PALM2AKAP2: variants seen among roughly 807,000 people sequenced by gnomAD.
PALM2AKAP2 encodes PALM2 and AKAP2 fusion.
In PALM2AKAP2, 37 loss-of-function variants were observed where a neutral mutation model predicts 71.5. The observed-to-expected ratio is 0.52, with a 90% CI of 0.40 to 0.68. PALM2AKAP2 has a LOEUF of 0.68. PALM2AKAP2 is among the 30% of genes least tolerant of loss of function. PALM2AKAP2 has a pLI of 0.00. For synonymous variants in PALM2AKAP2, 468 were observed against 478.8 expected, an observed-to-expected ratio of 0.98 and a Z score of 0.29; for missense variants, 1,224 against 1,191.8, an observed-to-expected ratio of 1.03 and a Z score of -0.40.
chr9:109,775,824 G>A (rs750155530), upstream of PALM2AKAP2, among the ~76,000 whole-genome samples: 10 of 152,192 alleles, frequency 6.6e-5, no homozygotes, highest in Non-Finnish European at 1.3e-4. Flanking sequence ...GATCGTTTGT[G>A]ATTCTCAAAG....
intron 1 of PALM2AKAP2, among the ~76,000 whole-genome samples, chr9:109,759,175 T>C (rs1183965908): frequency 6.6e-6 from 1 of 152,130 alleles, no homozygotes; most frequent in Non-Finnish European, 1.5e-5. Context: ...TTTTCCCTTC[T>C]CTTCTTTTGG....
At chr9:109,731,814 G>T (rs1050080925) in intron 1 of PALM2AKAP2, among the ~76,000 whole-genome samples, 4 of 152,204 alleles carry the variant, frequency 2.6e-5, no homozygotes, top group Admixed American at 6.5e-5. Flanking sequence ...CCATGGTGCA[G>T]GTTAATATTC....
At chr9:109,965,674 T>C (rs1018930770) in intron 6 of PALM2AKAP2, among the ~76,000 whole-genome samples, 1 of 152,088 alleles carries the variant, frequency 6.6e-6, no homozygotes, top group African/African-American at 2.4e-5. Flanking sequence ...TGCACAACAG[T>C]GTGAATGTAC....
rs556120383 is a variant in PALM2AKAP2 at position 109,816,344 on chromosome 9, C to T, written c.45+35811C>T. On this transcript the variant is annotated intron_variant, in intron 1 of 9. Coordinates refer to the PALM2AKAP2 transcript ENST00000302798. ...AATGGATTGTTCACATGATCTTAGG[C>T]GAAAAGACATAAAAATGAAGACAGG... Among the ~76,000 whole-genome samples, 15 of 151,884 alleles carry T rather than the reference C, an allele frequency of 9.9e-5. 1 individual carries two copies. The South Asian group carries it at 2.5e-3, about 25-fold the overall frequency.
At chr9:110,129,596 T>C (rs996734545) in intron 1 of PALM2AKAP2, among the ~76,000 whole-genome samples, 3 of 152,216 alleles carry the variant, frequency 2.0e-5, no homozygotes, top group Non-Finnish European at 4.4e-5. Context: ...AGCTGACATA[T>C]GTATGTGCAT....
chr9:109,958,231 T>C (rs1325839611), intron 6 of PALM2AKAP2, among the ~76,000 whole-genome samples: 6 of 152,170 alleles, frequency 3.9e-5, no homozygotes, highest in Admixed American at 3.9e-4. Flanking sequence ...CCATCTAGCT[T>C]ATATTACTGA....
intron 6 of PALM2AKAP2, among the ~76,000 whole-genome samples, chr9:109,942,028 T>C (rs912210606): frequency 1.3e-5 from 2 of 152,258 alleles, no homozygotes; most frequent in Non-Finnish European, 2.9e-5. Flanking sequence ...TCTGCGATCA[T>C]TGTCTTCAAA....
chr9:109,645,403 C>T (rs995886186), intron 1 of PALM2AKAP2, among the ~76,000 whole-genome samples: 3 of 152,152 alleles, frequency 2.0e-5, no homozygotes, highest in African/African-American at 7.2e-5. Flanking sequence ...GTGGGAGCTA[C>T]AAGACGAGAT....
chr9:109,736,853 T>C lies in PALM2AKAP2; in HGVS notation c.6-43635T>C, dbSNP rs76750418. ...TCTGAAGCCTGGAGAAAAGCATCTC[T>C]TCCCATGATTACAGCTAACATGTGG... On this transcript the variant is annotated intron_variant, in intron 1 of 6. Coordinates refer to the PALM2AKAP2 transcript ENST00000374531. Among the ~76,000 whole-genome samples, 1,213 of 152,290 alleles carry C rather than the reference T, an allele frequency of 8.0e-3. 17 individuals carry two copies. Among genetic ancestry groups the C allele is most frequent in the African/African-American group, 0.027 (1,130 of 41,558 alleles).
At chr9:109,735,467 T>G (rs1411029238) in intron 1 of PALM2AKAP2, among the ~76,000 whole-genome samples, 1 of 152,074 alleles carries the variant, frequency 6.6e-6, no homozygotes, top group Non-Finnish European at 1.5e-5. Flanking sequence ...AGCTCAAATC[T>G]TGTCCTGCAG....
At chr9:110,048,853 G>A (rs1281052662) in exon 1 of PALM2AKAP2, 2 of 1,528,990 alleles carry the variant, frequency 1.3e-6, no homozygotes, top group Admixed American at 4.0e-5. Context: ...CGGGCGCCCA[G>A]AGGTGGGTGT....
intron 1 of PALM2AKAP2, among the ~76,000 whole-genome samples, chr9:109,763,418 T>C (rs1829092626): frequency 1.3e-5 from 2 of 152,186 alleles, no homozygotes; most frequent in South Asian, 4.1e-4. Context: ...GTCAAATACC[T>C]AACTTCTCTG....
At chr9:109,719,151 A>G (rs1032542809) in intron 1 of PALM2AKAP2, among the ~76,000 whole-genome samples, 9 of 152,220 alleles carry the variant, frequency 5.9e-5, no homozygotes, top group African/African-American at 1.9e-4. Context: ...GATATCGAGG[A>G]ACAAAAACAA....
At chr9:109,823,613 C>T (rs1278571896) in intron 1 of PALM2AKAP2, among the ~76,000 whole-genome samples, 1 of 152,146 alleles carries the variant, frequency 6.6e-6, no homozygotes, top group Non-Finnish European at 1.5e-5. Context: ...ACAGAAGAAC[C>T]TTCTCCCAAT....
intron 6 of PALM2AKAP2, among the ~76,000 whole-genome samples, chr9:109,964,015 G>A (rs1028487605): frequency 3.3e-5 from 5 of 152,178 alleles, no homozygotes; most frequent in East Asian, 1.9e-4. Context: ...TATGGGACAC[G>A]CAGGAATCCA....
At chr9:109,794,056 G>T (rs563279684) in intron 1 of PALM2AKAP2, among the ~76,000 whole-genome samples, 1 of 152,154 alleles carries the variant, frequency 6.6e-6, no homozygotes, top group Non-Finnish European at 1.5e-5. Flanking sequence ...GGCTCCAGGA[G>T]CCTTTTATCT....
chr9:109,665,690 A>G (rs1361194201), intron 1 of PALM2AKAP2, among the ~76,000 whole-genome samples: 1 of 152,188 alleles, frequency 6.6e-6, no homozygotes, highest in East Asian at 1.9e-4. Context: ...TTGGAGCTCA[A>G]ATGCTGTGCT....
chr9:109,809,177 T>C (rs1367052042), intron 1 of PALM2AKAP2, among the ~76,000 whole-genome samples: 3 of 152,178 alleles, frequency 2.0e-5, no homozygotes, highest in African/African-American at 7.2e-5. Context: ...GCCATTGCTC[T>C]CCAGACTCCA....
intron 1 of PALM2AKAP2, among the ~76,000 whole-genome samples, chr9:109,659,129 G>C (rs184813831): frequency 6.7e-6 from 1 of 149,864 alleles, no homozygotes; most frequent in African/African-American, 2.5e-5. Flanking sequence ...TGGTAAAAAT[G>C]CTATGTAATG....
Sources: allele counts gnomAD v4.1 joint callset (sites outside exome capture counted in the v4.1 genomes callset), GRCh38; gene constraint gnomAD v4.1.1; transcripts MANE v1.5; gene names NCBI Gene and HGNC (gene_info 2026-07-23, HGNC 2026-07-21).